The following SDK1 variants were observed in gnomAD, a reference collection of about 807,000 sequenced individuals.
SDK1 encodes protein sidekick-1.
Under a neutral mutation model 245.5 loss-of-function variants are expected in SDK1, and 157 were observed. The ratio of observed to expected loss-of-function variants is 0.64; its 90% confidence interval spans 0.56 to 0.73. SDK1 has a LOEUF of 0.73. Ranked by LOEUF, SDK1 falls within the 30% of genes least tolerant of loss-of-function variation. The pLI, the probability that SDK1 is intolerant of heterozygous loss-of-function variation, is 0.00. For missense variants in SDK1, 3,583 were observed against 3,002.3 expected (o/e 1.19, Z -4.52); for synonymous variants, 1,647 against 1,278.5 (o/e 1.29, Z -6.15).
intron 4 of SDK1, among the ~76,000 whole-genome samples, chr7:3,727,838 G>A (rs1044472000): frequency 6.6e-6 from 1 of 152,006 alleles, no homozygotes; most frequent in African/African-American, 2.4e-5. Flanking sequence ...TTAACCAAGC[G>A]AGGTCCACCG....
chr7:3,787,404 A>G (rs1780937320), intron 4 of SDK1, among the ~76,000 whole-genome samples: 1 of 152,234 alleles, frequency 6.6e-6, no homozygotes, highest in South Asian at 2.1e-4. Context: ...AACATGATGC[A>G]GCTGATCACA....
rs200914826 is a variant in SDK1 at position 3,418,145 on chromosome 7, GAAAA to G, written c.298+116281_298+116284del. 2.9e-3 allele frequency among the ~76,000 whole-genome samples: 348 copies of G among 119,726 alleles called. 11 individuals carry two copies. Among genetic ancestry groups the G allele is most frequent in the African/African-American group, 0.013 (328 of 25,782 alleles). The allele number at this position is 119,726 out of a possible 152,430, so 78.5% of individuals were successfully genotyped here. On this transcript the variant is annotated intron_variant, in intron 1 of 44. Transcript: ENST00000404826. The stretch of plus-strand genomic sequence containing the variant: ...GTGAAACCCGATCTCTACTAAAAAT[GAAAA>G]AAAAAAAAAAAAAAAAAAATAGCTG...
chr7:4,161,538 C>A, intron 31 of SDK1, among the ~76,000 whole-genome samples: 1 of 152,158 alleles, frequency 6.6e-6, no homozygotes, highest in Non-Finnish European at 1.5e-5. Flanking sequence ...GAATGTCCAC[C>A]ACAGGGAGAG....
At chr7:4,063,773 A>G (rs1200523132) in intron 19 of SDK1, among the ~76,000 whole-genome samples, 2 of 152,154 alleles carry the variant, frequency 1.3e-5, no homozygotes, top group African/African-American at 2.4e-5. Context: ...TTAACAACAG[A>G]CACATAGACC....
In SDK1 at chr7:3,386,474, A is replaced by G. The variant is rs183229975; in HGVS notation, c.298+84590A>G. Among the ~76,000 whole-genome samples the G allele has an allele frequency of 4.2e-3, 636 of 152,334 alleles. 9 individuals are homozygous for G. The highest frequency in any genetic ancestry group is 0.018 in the South Asian group (87 of 4,828). Reference sequence around the variant, plus strand: ...CAAAACACACTCATATTTTGTTTAGAGTTAACAGAGCTGTCTAGAAGTAAT... The same window carrying G: ...CAAAACACACTCATATTTTGTTTAGGGTTAACAGAGCTGTCTAGAAGTAAT... On this transcript the variant is annotated intron_variant, in intron 1 of 44. Transcript: ENST00000404826.
intron 17 of SDK1, among the ~76,000 whole-genome samples, chr7:4,029,736 C>G (rs1178916014): frequency 6.6e-6 from 1 of 152,182 alleles, no homozygotes; most frequent in Admixed American, 6.5e-5. Flanking sequence ...TTCTCCTGGG[C>G]AGTACCGTCT....
At chr7:3,894,425 C>CTGTCAGG (rs1781543589) in intron 5 of SDK1, among the ~76,000 whole-genome samples, 1 of 151,714 alleles carries the variant, frequency 6.6e-6, no homozygotes, top group Non-Finnish European at 1.5e-5. Context: ...CTCTGCAGGG[C>CTGTCAGG]CTTGGTGCCA....
At chr7:3,721,560 C>T (rs561824540) in intron 4 of SDK1, among the ~76,000 whole-genome samples, 1 of 152,338 alleles carries the variant, frequency 6.6e-6, no homozygotes, top group Admixed American at 6.5e-5. Flanking sequence ...GGTAACACCT[C>T]TGTGGGTGCA....
chr7:3,322,519 C>T (rs1779842799), intron 1 of SDK1, among the ~76,000 whole-genome samples: 2 of 152,122 alleles, frequency 1.3e-5, no homozygotes, highest in African/African-American at 4.8e-5. Flanking sequence ...GGTCATATGG[C>T]AATCCTGTGT....
chr7:3,505,207 TA>T (rs1356402406), intron 1 of SDK1, among the ~76,000 whole-genome samples: 5 of 152,304 alleles, frequency 3.3e-5, no homozygotes, highest in Admixed American at 1.3e-4. Context: ...TAATTAAACC[TA>T]TTTTTTTTTG....
chr7:3,504,231 T>A (rs1447960611), intron 1 of SDK1, among the ~76,000 whole-genome samples: 2 of 145,182 alleles, frequency 1.4e-5, no homozygotes, highest in South Asian at 2.3e-4. Context: ...ACACAATTCA[T>A]ATCAAAATCC....
chr7:4,122,910 G>A (rs181495762), intron 25 of SDK1, among the ~76,000 whole-genome samples: 7 of 152,264 alleles, frequency 4.6e-5, no homozygotes, highest in Admixed American at 2.6e-4. Flanking sequence ...ATTTAAATGC[G>A]CTGAAATTTC....
At chr7:3,588,395 G>A (rs75621015) in intron 1 of SDK1, among the ~76,000 whole-genome samples, 3,212 of 152,266 alleles carry the variant, frequency 0.021, 124 homozygotes, top group African/African-American at 0.073. Context: ...TTGTGTTGCA[G>A]TTTATGTCAG....
chr7:4,219,969 C>A, intron 38 of SDK1, 140 bp from the exon 39 acceptor site: 1 of 963,350 alleles, frequency 1.0e-6, no homozygotes, highest in East Asian at 2.7e-5. Flanking sequence ...CTATTACCAC[C>A]ATATAAACTC....
At chr7:3,855,577 A>G (rs186303668) in intron 5 of SDK1, among the ~76,000 whole-genome samples, 2,117 of 152,330 alleles carry the variant, frequency 0.014, 56 homozygotes, top group African/African-American at 0.049. Flanking sequence ...AAAAAAGTTA[A>G]TGGACATAGA....
chr7:3,744,698 G>C (rs1779567559), intron 4 of SDK1, among the ~76,000 whole-genome samples: 1 of 152,002 alleles, frequency 6.6e-6, no homozygotes, highest in Non-Finnish European at 1.5e-5. Context: ...TGTAGTCTCA[G>C]CTACTCGGGA....
intron 1 of SDK1, among the ~76,000 whole-genome samples, chr7:3,440,377 T>C (rs911662743): frequency 2.0e-5 from 3 of 152,166 alleles, no homozygotes; most frequent in Non-Finnish European, 4.4e-5. Context: ...TCAGGTGGCC[T>C]GAACAGGAAT....
In SDK1 at chr7:3,906,255, C is replaced by G. The variant is rs1456516858; in HGVS notation, c.848-44668C>G. Among the ~76,000 whole-genome samples the G allele has an allele frequency of 3.3e-5, 5 of 152,056 alleles. No homozygotes were observed. The East Asian group carries it at 7.7e-4, about 23-fold the overall frequency. On this transcript the variant is annotated intron_variant, in intron 5 of 44. Coordinates refer to ENST00000404826, the MANE Select transcript of SDK1 (RefSeq NM_152744.4). ...ATCGTGTTCTATTATTTTGTTAGAA[C>G]TTTAATTATTTTATGTTTAATCATT...
At chr7:3,527,265 C>A (rs974030407) in intron 1 of SDK1, among the ~76,000 whole-genome samples, 17 of 152,162 alleles carry the variant, frequency 1.1e-4, no homozygotes, top group African/African-American at 3.4e-4. Flanking sequence ...ATACAAATTA[C>A]ATTCTAGTGT....
Sources: allele counts gnomAD v4.1 joint callset (sites outside exome capture counted in the v4.1 genomes callset), GRCh38; gene constraint gnomAD v4.1.1; transcripts MANE v1.5; gene names NCBI Gene and HGNC (gene_info 2026-07-23, HGNC 2026-07-21).